PPIP5K2: variants seen among roughly 807,000 people sequenced by gnomAD.
PPIP5K2 encodes inositol hexakisphosphate and diphosphoinositol-pentakisphosphate kinase 2.
In PPIP5K2, 105 loss-of-function variants were observed where a neutral mutation model predicts 154.6. The observed-to-expected ratio is 0.68, with a 90% CI of 0.58 to 0.80. The LOEUF (loss-of-function observed/expected upper bound fraction) is 0.80, where lower values mean the gene tolerates loss of function less well. Among genes scored for constraint, PPIP5K2 ranks in the 30% least tolerant of loss-of-function variants. The probability of loss-of-function intolerance (pLI) is 0.00; values close to 1 mark genes in which losing one functional copy is unlikely to be tolerated. For synonymous variants in PPIP5K2, 480 were observed against 490.3 expected, an observed-to-expected ratio of 0.98 and a Z score of 0.28; for missense variants, 992 against 1,504.6, an observed-to-expected ratio of 0.66 and a Z score of 5.64.
chr5:103,156,315 G>A (rs1364519509), intron 14 of PPIP5K2, among the ~76,000 whole-genome samples: 19 of 152,116 alleles, frequency 1.2e-4, no homozygotes, highest in Admixed American at 6.5e-5. Context: ...CCTTTTGATA[G>A]TAGAGGGCAG....
At chr5:103,194,741 T>C in intron 29 of PPIP5K2, 159 bp from the exon 30 acceptor site, 1 of 690,604 alleles carries the variant, frequency 1.4e-6, no homozygotes, top group Non-Finnish European at 2.4e-6. Flanking sequence ...GAACTATCTT[T>C]TTATTAAAAA....
intron 17 of PPIP5K2, among the ~76,000 whole-genome samples, chr5:103,166,238 G>A (rs1797098001): frequency 1.3e-5 from 2 of 152,128 alleles, no homozygotes; most frequent in South Asian, 2.1e-4. Context: ...AATAACATCT[G>A]CTTATTATGA....
At chr5:103,154,030 C>T (rs1295081607) in intron 11 of PPIP5K2, 96 bp downstream of exon 11, 1 of 835,104 alleles carries the variant, frequency 1.2e-6, no homozygotes, top group East Asian at 3.0e-5. Flanking sequence ...TATAGAAAAA[C>T]TTTTATCTAC....
chr5:103,168,020 T>C (rs990169443), intron 18 of PPIP5K2, 52 bp from the exon 19 acceptor site: 5 of 1,151,746 alleles, frequency 4.3e-6, no homozygotes, highest in Non-Finnish European at 5.0e-6. Flanking sequence ...TTAATATATA[T>C]TCTAAATCAG....
intron 14 of PPIP5K2, among the ~76,000 whole-genome samples, chr5:103,156,460 A>G (rs1454537184): frequency 6.6e-6 from 1 of 152,204 alleles, no homozygotes; most frequent in Non-Finnish European, 1.5e-5. Flanking sequence ...TGGTCTCCTA[A>G]GAGCAGTCAG....
At chr5:103,201,134 G>A (rs982655197) in intron 30 of PPIP5K2, among the ~76,000 whole-genome samples, 7 of 152,148 alleles carry the variant, frequency 4.6e-5, no homozygotes, top group East Asian at 3.9e-4. Flanking sequence ...TGTCTTTCTC[G>A]TCAGATATCT....
chr5:103,126,819 T>C (rs1230134151), intron 1 of PPIP5K2, among the ~76,000 whole-genome samples: 1 of 151,528 alleles, frequency 6.6e-6, no homozygotes, highest in Non-Finnish European at 1.5e-5. Context: ...CCACCCAGAT[T>C]AAGGGTGGGT....
rs558578364 is a variant in PPIP5K2 at position 103,166,879 on chromosome 5, A to G, written c.1921-300A>G. ...TTTATTTTCACATTGAGTAGGCTGA[A>G]AAGAAAGAGGAAGAGGAGGGGTTAG... On this transcript the variant is annotated intron_variant, in intron 17 of 30. Transcript: ENST00000358359. Among the ~76,000 whole-genome samples, 8 of 152,038 alleles carry G rather than the reference A, an allele frequency of 5.3e-5. No individual in the cohort carries two copies. In the South Asian group the frequency reaches 1.7e-3, roughly 32 times the overall value.
chr5:103,186,569 A>G, intron 27 of PPIP5K2, 130 bp downstream of exon 27: 1 of 1,279,130 alleles, frequency 7.8e-7, no homozygotes, highest in Non-Finnish European at 1.1e-6. Context: ...TGCCTAAATG[A>G]CTATCAGTGC....
chr5:103,187,797 A>G (rs1458177175), intron 28 of PPIP5K2, among the ~76,000 whole-genome samples: 3 of 152,130 alleles, frequency 2.0e-5, no homozygotes, highest in African/African-American at 7.2e-5. Flanking sequence ...ATACAGAGCC[A>G]CCCATGTCAA....
At chr5:103,173,330 A>G (rs900317652) in intron 20 of PPIP5K2, 48 bp downstream of exon 20, 5 of 1,569,668 alleles carry the variant, frequency 3.2e-6, no homozygotes, top group East Asian at 2.3e-5. Flanking sequence ...CTATTTTTGC[A>G]TACTTCAAAT....
chr5:103,160,400 A>T (rs1390195052), intron 17 of PPIP5K2, among the ~76,000 whole-genome samples: 1 of 152,100 alleles, frequency 6.6e-6, no homozygotes, highest in African/African-American at 2.4e-5. Flanking sequence ...TTTAAGGTTC[A>T]TAGAACATGT....
At chr5:103,156,826 A>T (rs1795489133) in intron 14 of PPIP5K2, among the ~76,000 whole-genome samples, 1 of 152,214 alleles carries the variant, frequency 6.6e-6, no homozygotes, top group Non-Finnish European at 1.5e-5. Flanking sequence ...TCAGGGAAAG[A>T]TTATCTATAG....
In PPIP5K2 at chr5:103,163,456, T is replaced by C. The variant is rs201912918; in HGVS notation, c.1921-3723T>C. 2.5e-3 allele frequency among the ~76,000 whole-genome samples: 373 copies of C among 152,124 alleles called. 7 individuals are homozygous for C. In the East Asian group the frequency reaches 0.066, roughly 27 times the overall value. ...ATTATAGGCATCAACCTTGTCGAAC[T>C]CATTAGTTCTAATAATTTATCTAGA... On this transcript the variant is annotated intron_variant, in intron 17 of 30. Coordinates refer to ENST00000358359, the MANE Select transcript of PPIP5K2 (RefSeq NM_001276277.3).
intron 27 of PPIP5K2, among the ~76,000 whole-genome samples, chr5:103,186,946 A>AT (rs1187959382): frequency 1.3e-5 from 2 of 152,102 alleles, no homozygotes; most frequent in Non-Finnish European, 2.9e-5. Context: ...AATATTAAGA[A>AT]TTTTTTAAGG....
intron 5 of PPIP5K2, among the ~76,000 whole-genome samples, chr5:103,140,702 TGGCG>T: frequency 6.6e-6 from 1 of 151,292 alleles, no homozygotes; most frequent in South Asian, 2.1e-4. Flanking sequence ...CCGGGCGCAG[TGGCG>T]GGCGCCTGTA....
intron 6 of PPIP5K2, among the ~76,000 whole-genome samples, chr5:103,147,161 A>G (rs1271746477): frequency 6.6e-6 from 1 of 152,004 alleles, no homozygotes; most frequent in East Asian, 1.9e-4. Context: ...CACAAGACCA[A>G]ACATTGTTGG....
rs1554232449 is a variant in PPIP5K2, at chr5:103,209,244, A to C, written c.*7610A>C. On this transcript the variant is annotated 3_prime_UTR_variant, in exon 31 of 31. Coordinates refer to ENST00000358359, the MANE Select transcript of PPIP5K2 (RefSeq NM_001276277.3). ...TCAAAGATGTACAAGATAGCTCCTA[A>C]TGCTCTTTTATGGCTGCTCCTGTTG... The C allele has an allele frequency of 6.6e-6, 1 of 152,104 alleles. No homozygotes were observed. Among genetic ancestry groups the C allele is most frequent in the Non-Finnish European group, 1.5e-5 (1 of 68,020 alleles). 9.4% of individuals were successfully genotyped at this position (152,104 alleles called of 1,614,324 possible).
intron 1 of PPIP5K2, among the ~76,000 whole-genome samples, chr5:103,126,489 G>A (rs1451929762): frequency 2.0e-5 from 3 of 152,160 alleles, no homozygotes; most frequent in Non-Finnish European, 2.9e-5. Context: ...AAAAGACTAT[G>A]TATTAGTCAG....
Sources: allele counts gnomAD v4.1 joint callset (sites outside exome capture counted in the v4.1 genomes callset), GRCh38; gene constraint gnomAD v4.1.1; transcripts MANE v1.5; gene names NCBI Gene and HGNC (gene_info 2026-07-23, HGNC 2026-07-21).